HNRNPF: variants seen among roughly 807,000 people sequenced by gnomAD.
The protein encoded by HNRNPF is HnRNP F protein.
A neutral mutation model predicts 26.0 loss-of-function variants in HNRNPF; 2 were observed. That is an observed-to-expected ratio of 0.08 (90% confidence interval 0.03 to 0.24). The LOEUF is 0.24. Among genes scored for constraint, HNRNPF ranks in the 10% least tolerant of loss-of-function variants. The pLI is 1.00. For synonymous variants in HNRNPF, 234 were observed against 211.5 expected, an observed-to-expected ratio of 1.11 and a Z score of -0.92; for missense variants, 299 against 539.2, an observed-to-expected ratio of 0.55 and a Z score of 4.41.
intron 3 of HNRNPF, among the ~76,000 whole-genome samples, chr10:43,394,047 TC>T: frequency 6.6e-6 from 1 of 152,184 alleles, no homozygotes; most frequent in East Asian, 1.9e-4. Context: ...GTTAAAGGGG[TC>T]TTAAACCCAC....
intron 1 of HNRNPF, among the ~76,000 whole-genome samples, chr10:43,401,681 C>G (rs1351032668): frequency 6.6e-6 from 1 of 152,090 alleles, no homozygotes; most frequent in Non-Finnish European, 1.5e-5. Flanking sequence ...TTGTTTTTCC[C>G]AGACCACCTC....
intron 1 of HNRNPF, chr10:43,397,230 G>A (rs1171013178): frequency 6.6e-6 from 1 of 152,262 alleles, no homozygotes; most frequent in Non-Finnish European, 1.5e-5. Flanking sequence ...GCGGGGTCCG[G>A]AGTCCGGGAA....
intron 1 of HNRNPF, chr10:43,397,128 T>TG (rs565327848): frequency 1.0e-3 from 84 of 80,226 alleles, no homozygotes; most frequent in Middle Eastern, 7.4e-3. Context: ...GAAAGGGACC[T>TG]GGGGGGGGCG....
chr10:43,398,229 T>C lies in HNRNPF; in HGVS notation c.-246-1639A>G, dbSNP rs1838630906. Among the ~76,000 whole-genome samples the C allele has an allele frequency of 3.9e-5, 6 of 152,320 alleles. No individual in the cohort carries two copies. The South Asian group carries it at 1.2e-3, about 32-fold the overall frequency. On this transcript the variant is annotated intron_variant, in intron 1 of 3. Transcript: ENST00000682386. ...TTAGTAGAGATGTGGTTTCACCGTG[T>C]TGGCTAGGCTGGTCTCGATATCTTG...
chr10:43,404,099 C>A (rs1473666471), intron 1 of HNRNPF, among the ~76,000 whole-genome samples: 1 of 151,828 alleles, frequency 6.6e-6, no homozygotes, highest in Non-Finnish European at 1.5e-5. Context: ...GAGTTTGAGA[C>A]CAGCCTGGCC....
chr10:43,400,449 T>C (rs1050454477), intron 1 of HNRNPF, among the ~76,000 whole-genome samples: 1 of 152,182 alleles, frequency 6.6e-6, no homozygotes, highest in African/African-American at 2.4e-5. Flanking sequence ...AAGATGCATC[T>C]TGGGGGCAAA....
chr10:43,389,731 G>A (rs749992888), intron 3 of HNRNPF, among the ~76,000 whole-genome samples: 2 of 152,188 alleles, frequency 1.3e-5, no homozygotes, highest in East Asian at 3.9e-4. Flanking sequence ...CCAAACACTC[G>A]GCATTTACTC....
Position 43,387,807 on chromosome 10 carries a change from G to A in HNRNPF, c.78C>T (p.Asp26=), listed in dbSNP as rs369961694. The A allele has an allele frequency of 3.7e-6, 6 of 1,614,040 alleles. No individual in the cohort carries two copies. The highest frequency in any genetic ancestry group is 1.1e-5 in the South Asian group (1 of 91,084). ...TGCAGTCAGAGAGGAAGTTCTGCAC[G>A]TCCTCAACAGAGCAGGACCAGGGCA... ...RGLPWSCSVE[D]VQNFLSDCTI... The change falls in exon 4 of 4, where the codon GAC becomes GAT. Residue 26 remains aspartate (D), a synonymous_variant. Transcript: ENST00000682386. This position sits in a 1 kb window ranked among gnomAD's most constrained non-coding sequence, Gnocchi z 6.0.
At position 43,387,024 on chromosome 10, in the gene HNRNPF, T is replaced by C; in HGVS notation, c.861A>G (p.Thr287=). The C allele has an allele frequency of 4.3e-6, 7 of 1,613,690 alleles. No homozygotes were observed. Among genetic ancestry groups the C allele is most frequent in the Non-Finnish European group, 5.9e-6 (7 of 1,180,050 alleles). ...GDSEFTVQST[T]GHCVHMRGLP... ...GGCCCCTCATGTGGACACAGTGGCC[T>C]GTGGTGCTCTGCACTGTGAACTCAC... Residue 287 remains threonine, a synonymous_variant, in exon 4 of 4, where the codon ACA becomes ACG. Coordinates refer to ENST00000682386, the MANE Select transcript of HNRNPF (RefSeq NM_001098204.2). This position sits in a 1 kb window ranked among gnomAD's most constrained non-coding sequence, Gnocchi z 6.0.
intron 1 of HNRNPF, among the ~76,000 whole-genome samples, chr10:43,406,521 C>A (rs974387196): frequency 2.4e-4 from 37 of 151,918 alleles, no homozygotes; most frequent in African/African-American, 8.7e-4. Flanking sequence ...ATAAGGAGAC[C>A]CCATCTCTAC....
intron 1 of HNRNPF, chr10:43,397,489 T>C (rs1838592024): frequency 6.8e-6 from 1 of 146,304 alleles, no homozygotes; most frequent in Non-Finnish European, 1.5e-5. Flanking sequence ...AAGTCCAGAG[T>C]GCCAGCCACG....
chr10:43,401,414 A>G (rs1434864428), intron 1 of HNRNPF, among the ~76,000 whole-genome samples: 2 of 152,226 alleles, frequency 1.3e-5, no homozygotes, highest in African/African-American at 4.8e-5. Flanking sequence ...CGATCATAAA[A>G]CAAGCAACCA....
intron 3 of HNRNPF, among the ~76,000 whole-genome samples, chr10:43,389,248 T>A (rs1838150572): frequency 6.6e-6 from 1 of 152,162 alleles, no homozygotes; most frequent in Non-Finnish European, 1.5e-5. Flanking sequence ...CTGGAATTAC[T>A]GGCGTGAGCC....
chr10:43,395,022 T>C (rs1041732500), intron 2 of HNRNPF, among the ~76,000 whole-genome samples: 1 of 152,128 alleles, frequency 6.6e-6, no homozygotes, highest in African/African-American at 2.4e-5. Flanking sequence ...GATTTCAATA[T>C]GTTGGCCAGG....
intron 1 of HNRNPF, among the ~76,000 whole-genome samples, chr10:43,401,692 C>T (rs888984508): frequency 2.0e-5 from 3 of 152,180 alleles, no homozygotes; most frequent in Non-Finnish European, 4.4e-5. Flanking sequence ...AGACCACCTC[C>T]TGTACCTCTC....
Position 43,387,989 on chromosome 10 carries a change from A to T in HNRNPF, c.-52-53T>A. The T allele has an allele frequency of 1.1e-6, 1 of 949,038 alleles. No homozygotes were observed. The highest frequency in any genetic ancestry group is 1.6e-6 in the Non-Finnish European group (1 of 642,608). 58.8% of individuals were successfully genotyped at this position (949,038 alleles called of 1,614,324 possible). On this transcript the variant is annotated intron_variant, in intron 3 of 3. Coordinates refer to ENST00000682386, the MANE Select transcript of HNRNPF (RefSeq NM_001098204.2). This position sits in a 1 kb window ranked among gnomAD's most constrained non-coding sequence, Gnocchi z 6.0. ...TTAGTATGCAACAGAAATTTTCCCC[A>T]TTTTACAGACGAGAGAGGTAGCAAG...
At chr10:43,399,439 C>T (rs552550860) in intron 1 of HNRNPF, among the ~76,000 whole-genome samples, 132 of 152,222 alleles carry the variant, frequency 8.7e-4, no homozygotes, top group Middle Eastern at 3.4e-3. Flanking sequence ...TGTGAGGGAA[C>T]AATGTGTGCA....
intron 1 of HNRNPF, among the ~76,000 whole-genome samples, chr10:43,401,597 T>A (rs1029553032): frequency 6.6e-6 from 1 of 152,212 alleles, no homozygotes; most frequent in Admixed American, 6.5e-5. Context: ...CTGGAGTAAC[T>A]GGAAATAATA....
At chr10:43,407,215 C>A (rs1004333850) in intron 1 of HNRNPF, among the ~76,000 whole-genome samples, 1 of 151,272 alleles carries the variant, frequency 6.6e-6, no homozygotes, top group Non-Finnish European at 1.5e-5. Context: ...CCGCCCCGCG[C>A]GGTTCCGGGA....
Sources: allele counts gnomAD v4.1 joint callset (sites outside exome capture counted in the v4.1 genomes callset), GRCh38; gene constraint gnomAD v4.1.1; non-coding constraint Gnocchi (gnomAD v3.1); transcripts MANE v1.5; gene names NCBI Gene and HGNC (gene_info 2026-07-23, HGNC 2026-07-21).